The following PCLO variants were observed in gnomAD, a reference collection of about 807,000 sequenced individuals.
The protein encoded by PCLO is protein piccolo.
Under a neutral mutation model 427.5 loss-of-function variants are expected in PCLO, and 82 were observed. The observed-to-expected ratio is 0.19, with a 90% CI of 0.16 to 0.23. The LOEUF (loss-of-function observed/expected upper bound fraction) is 0.23, where lower values mean the gene tolerates loss of function less well. Ranked by LOEUF, PCLO falls within the 10% of genes least tolerant of loss-of-function variation. The probability of loss-of-function intolerance (pLI) is 1.00; values close to 1 mark genes in which losing one functional copy is unlikely to be tolerated. For synonymous variants in PCLO, 2,357 were observed against 2,155.4 expected (o/e 1.09, Z -2.59); for missense variants, 6,239 against 6,115.9 (o/e 1.02, Z -0.67).
At chr7:83,014,140 T>G (rs1268567074) in intron 3 of PCLO, among the ~76,000 whole-genome samples, 1 of 152,118 alleles carries the variant, frequency 6.6e-6, no homozygotes, top group Non-Finnish European at 1.5e-5. Flanking sequence ...GTATCTTCCC[T>G]TAAGATATGT....
chr7:82,839,783 A>C (rs578134312), intron 14 of PCLO, among the ~76,000 whole-genome samples: 1 of 152,192 alleles, frequency 6.6e-6, no homozygotes, highest in African/African-American at 2.4e-5. Context: ...ACTCAGGGTC[A>C]GCTTTGAGAG....
intron 22 of PCLO, among the ~76,000 whole-genome samples, chr7:82,784,625 C>T (rs1445386274): frequency 6.6e-6 from 1 of 152,092 alleles, no homozygotes; most frequent in Non-Finnish European, 1.5e-5. Flanking sequence ...CATTACCCTC[C>T]CAACCAAAGG....
chr7:82,832,859 C>T (rs960484102), intron 16 of PCLO, among the ~76,000 whole-genome samples: 14 of 149,550 alleles, frequency 9.4e-5, no homozygotes, highest in Non-Finnish European at 8.9e-5. Flanking sequence ...TTCAAAATTA[C>T]TCCTCTGAGG....
intron 3 of PCLO, among the ~76,000 whole-genome samples, chr7:83,082,294 T>C (rs1206004942): frequency 1.3e-5 from 2 of 151,658 alleles, no homozygotes; most frequent in South Asian, 2.1e-4. Flanking sequence ...ACATAGAACG[T>C]GTGTAAAAAT....
chr7:82,946,788 T>G (rs1795214160), intron 6 of PCLO, among the ~76,000 whole-genome samples: 2 of 152,170 alleles, frequency 1.3e-5, no homozygotes, highest in Admixed American at 1.3e-4. Context: ...GAGATCCTAA[T>G]AGAGTTTAAA....
At chr7:82,868,746 C>A (rs1361497917) in intron 10 of PCLO, among the ~76,000 whole-genome samples, 1 of 152,088 alleles carries the variant, frequency 6.6e-6, no homozygotes, top group Non-Finnish European at 1.5e-5. Context: ...GCTGTGTTAC[C>A]ACTGATTCAT....
chr7:82,838,107 G>A, intron 15 of PCLO, 111 bp downstream of exon 15: 1 of 758,360 alleles, frequency 1.3e-6, no homozygotes. Flanking sequence ...GTGGAGGAAA[G>A]TAAGGAAAAG....
chr7:82,871,445 G>A (rs942564560), intron 10 of PCLO, among the ~76,000 whole-genome samples: 3 of 151,878 alleles, frequency 2.0e-5, no homozygotes, highest in African/African-American at 7.2e-5. Flanking sequence ...GTTACCTCAT[G>A]TTGGAATGGG....
chr7:83,071,109 T>A (rs1438789878), intron 3 of PCLO, among the ~76,000 whole-genome samples: 2 of 152,140 alleles, frequency 1.3e-5, no homozygotes, highest in African/African-American at 4.8e-5. Context: ...TCAATGGTGT[T>A]AATTATATTC....
intron 5 of PCLO, 57 bp from the exon 6 acceptor site, chr7:82,951,547 T>C: frequency 8.3e-7 from 1 of 1,203,344 alleles, no homozygotes; most frequent in Admixed American, 2.4e-5. Flanking sequence ...GCTTTTTGAG[T>C]TTGAAAACCC....
intron 3 of PCLO, among the ~76,000 whole-genome samples, chr7:82,975,823 C>G (rs1796004265): frequency 6.6e-6 from 1 of 152,036 alleles, no homozygotes; most frequent in Admixed American, 6.6e-5. Context: ...TCTCATGAGA[C>G]CTGATGGTTT....
chr7:83,129,284 AT>A (rs1791514462), intron 3 of PCLO, among the ~76,000 whole-genome samples: 1 of 152,214 alleles, frequency 6.6e-6, no homozygotes, highest in Admixed American at 6.5e-5. Context: ...CCCTATTATA[AT>A]TTTTTTAAGC....
At chr7:83,129,324 C>T (rs1369315730) in intron 3 of PCLO, among the ~76,000 whole-genome samples, 1 of 152,128 alleles carries the variant, frequency 6.6e-6, no homozygotes, top group African/African-American at 2.4e-5. Flanking sequence ...ACCTTTCAAA[C>T]ATCGCACAGT....
intron 6 of PCLO, among the ~76,000 whole-genome samples, chr7:82,930,285 G>C (rs12386625): frequency 0.16 from 24,854 of 152,038 alleles, 3,537 homozygotes; most frequent in African/African-American, 0.38. Context: ...AGTGTAGAAG[G>C]CTGTGCGGAG....
intron 4 of PCLO, among the ~76,000 whole-genome samples, chr7:82,960,740 A>G (rs1194335220): frequency 6.6e-6 from 1 of 152,240 alleles, no homozygotes; most frequent in African/African-American, 2.4e-5. Context: ...GGCAACAAAG[A>G]AATGTAAACA....
chr7:83,158,722 A>G (rs1792360790), intron 1 of PCLO, among the ~76,000 whole-genome samples: 1 of 152,074 alleles, frequency 6.6e-6, no homozygotes, highest in African/African-American at 2.4e-5. Context: ...TTATAATTGC[A>G]TGTACTTCCT....
In PCLO at chr7:82,892,949, C is replaced by A. The variant is rs373402591; in HGVS notation, c.13528+9702G>T. 2.8e-4 allele frequency among the ~76,000 whole-genome samples: 42 copies of A among 151,974 alleles called. No homozygotes were observed. The South Asian group carries it at 3.7e-3, about 14-fold the overall frequency. ...ACAGGTGCTGGAGAGGATGTGGAGA[C>A]ATAGGAACACTTTTACACTGTTGGT... On this transcript the variant is annotated intron_variant, in intron 9 of 24. Transcript: ENST00000333891.
At chr7:83,127,027 A>T (rs564918155) in intron 3 of PCLO, among the ~76,000 whole-genome samples, 1 of 152,262 alleles carries the variant, frequency 6.6e-6, no homozygotes, top group African/African-American at 2.4e-5. Context: ...CAATGAATTT[A>T]TATACTTAAA....
chr7:83,136,317 C>A (rs1791728550), intron 2 of PCLO, among the ~76,000 whole-genome samples: 1 of 151,852 alleles, frequency 6.6e-6, no homozygotes, highest in Admixed American at 6.6e-5. Flanking sequence ...CAAGCTTTCA[C>A]AAAATTTGTT....
Sources: allele counts gnomAD v4.1 joint callset (sites outside exome capture counted in the v4.1 genomes callset), GRCh38; gene constraint gnomAD v4.1.1; transcripts MANE v1.5; gene names NCBI Gene and HGNC (gene_info 2026-07-23, HGNC 2026-07-21).